LRMDA: variants seen among roughly 807,000 people sequenced by gnomAD.
The protein encoded by LRMDA is leucine rich melanocyte differentiation associated.
A neutral mutation model predicts 29.8 loss-of-function variants in LRMDA; 18 were observed. The observed-to-expected ratio is 0.60, with a 90% CI of 0.42 to 0.90. The LOEUF is 0.90. Ranked by LOEUF, LRMDA falls within the 40% of genes least tolerant of loss-of-function variation. LRMDA has a pLI of 0.00. For missense variants in LRMDA, 273 were observed against 273.9 expected, an observed-to-expected ratio of 1.00 and a Z score of 0.02; for synonymous variants, 125 against 109.4, an observed-to-expected ratio of 1.14 and a Z score of -0.89.
intron 6 of LRMDA, among the ~76,000 whole-genome samples, chr10:76,555,187 C>G (rs1042041214): frequency 1.6e-4 from 25 of 152,176 alleles, no homozygotes; most frequent in African/African-American, 5.5e-4. Flanking sequence ...GCCCACAGAC[C>G]AGCAGGATCC....
chr10:76,322,806 G>C (rs1840787770), intron 5 of LRMDA, among the ~76,000 whole-genome samples: 1 of 152,108 alleles, frequency 6.6e-6, no homozygotes, highest in African/African-American at 2.4e-5. Context: ...GAGGAAGTAT[G>C]ATAGATCTAG....
chr10:75,495,422 C>G (rs192996722), intron 2 of LRMDA, among the ~76,000 whole-genome samples: 1 of 152,098 alleles, frequency 6.6e-6, no homozygotes, highest in East Asian at 1.9e-4. Flanking sequence ...TGGAGGGGAC[C>G]ATTTTTTGAG....
At chr10:76,406,036 C>A (rs1355171595) in intron 6 of LRMDA, among the ~76,000 whole-genome samples, 1 of 152,240 alleles carries the variant, frequency 6.6e-6, no homozygotes, top group South Asian at 2.1e-4. Context: ...AACTGGCCAG[C>A]GAGGAAAACC....
intron 2 of LRMDA, among the ~76,000 whole-genome samples, chr10:75,605,176 C>T (rs898816187): frequency 1.3e-5 from 2 of 152,168 alleles, no homozygotes; most frequent in Non-Finnish European, 2.9e-5. Flanking sequence ...AGTCTCAAGA[C>T]TGGGAATATA....
At chr10:76,039,019 A>G (rs1848299141) in intron 3 of LRMDA, among the ~76,000 whole-genome samples, 1 of 152,134 alleles carries the variant, frequency 6.6e-6, no homozygotes, top group African/African-American at 2.4e-5. Flanking sequence ...TGGCTAAACT[A>G]CCTGTCTCTT....
At chr10:76,258,851 TTATC>T (rs1839898865) in intron 5 of LRMDA, among the ~76,000 whole-genome samples, 2 of 152,186 alleles carry the variant, frequency 1.3e-5, no homozygotes, top group South Asian at 4.1e-4. Flanking sequence ...CACATTTTCT[TTATC>T]TACTATTCCG....
At chr10:76,183,785 C>T (rs144026503) in intron 5 of LRMDA, among the ~76,000 whole-genome samples, 133 of 152,302 alleles carry the variant, frequency 8.7e-4, no homozygotes, top group African/African-American at 3.1e-3. Context: ...GTGGCCTGAT[C>T]ATAGCTGACT....
intron 2 of LRMDA, among the ~76,000 whole-genome samples, chr10:75,799,723 T>TG (rs1564570929): frequency 6.8e-6 from 1 of 147,756 alleles, no homozygotes; most frequent in Non-Finnish European, 1.5e-5. Context: ...TGTGTGTGTG[T>TG]TTAGTAGAGA....
chr10:75,815,951 G>T (rs1844051535), intron 2 of LRMDA, among the ~76,000 whole-genome samples: 1 of 152,204 alleles, frequency 6.6e-6, no homozygotes. Flanking sequence ...GCCCAAGATT[G>T]TATCTCTAGT....
At chr10:75,773,651 C>T (rs1436129942) in intron 2 of LRMDA, among the ~76,000 whole-genome samples, 2 of 152,206 alleles carry the variant, frequency 1.3e-5, no homozygotes, top group South Asian at 2.1e-4. Context: ...GCTCACACTT[C>T]GCCCAGTGAG....
Position 76,326,274 on chromosome 10 carries a change from A to C in LRMDA, c.601+1789A>C, listed in dbSNP as rs188765569. Among the ~76,000 whole-genome samples the C allele has an allele frequency of 1.1e-3, 174 of 152,354 alleles. 6 individuals are homozygous for C. The highest frequency in any genetic ancestry group is 0.011 in the Admixed American group (171 of 15,306). Reference sequence around the variant, plus strand: ...AGACTAATATATTTCAGCTTAGCATAAACCAATTTGGCTTGAACCAACTTG... The same window carrying C: ...AGACTAATATATTTCAGCTTAGCATCAACCAATTTGGCTTGAACCAACTTG... On this transcript the variant is annotated intron_variant, in intron 6 of 6. Transcript: ENST00000611255.
chr10:76,149,625 G>T (rs1301876751), intron 5 of LRMDA, among the ~76,000 whole-genome samples: 1 of 152,154 alleles, frequency 6.6e-6, no homozygotes, highest in East Asian at 1.9e-4. Flanking sequence ...AATTTTGGCA[G>T]GGGTCTCCGT....
At chr10:76,519,248 C>T (rs1220213198) in intron 6 of LRMDA, among the ~76,000 whole-genome samples, 1 of 151,872 alleles carries the variant, frequency 6.6e-6, no homozygotes, top group East Asian at 1.9e-4. Context: ...ATTAAAAATC[C>T]CTAGAGTTGA....
chr10:75,635,805 T>G (rs189914027), intron 2 of LRMDA, among the ~76,000 whole-genome samples: 1 of 151,348 alleles, frequency 6.6e-6, no homozygotes, highest in Admixed American at 6.6e-5. Context: ...TTTTTTTTTT[T>G]AAAACGATTG....
chr10:76,362,898 T>C (rs1315399459), intron 6 of LRMDA, among the ~76,000 whole-genome samples: 4 of 151,778 alleles, frequency 2.6e-5, no homozygotes, highest in Non-Finnish European at 5.9e-5. Context: ...CCTAATCTTA[T>C]TTTTCCTGAC....
intron 2 of LRMDA, among the ~76,000 whole-genome samples, chr10:75,659,084 C>G (rs758228232): frequency 2.0e-5 from 3 of 152,240 alleles, no homozygotes; most frequent in Non-Finnish European, 4.4e-5. Context: ...AGACCTGGCT[C>G]TTTGCTGAGG....
At chr10:75,812,192 A>G (rs1345276387) in intron 2 of LRMDA, among the ~76,000 whole-genome samples, 1 of 146,648 alleles carries the variant, frequency 6.8e-6, no homozygotes, top group Non-Finnish European at 1.5e-5. Context: ...GAATCAATAA[A>G]AACTCCTGCC....
intron 2 of LRMDA, among the ~76,000 whole-genome samples, chr10:75,787,732 A>G (rs1843496716): frequency 6.6e-6 from 1 of 152,252 alleles, no homozygotes; most frequent in Non-Finnish European, 1.5e-5. Context: ...AGTGTGTAAT[A>G]GAAAACCAAA....
intron 2 of LRMDA, among the ~76,000 whole-genome samples, chr10:75,925,197 AT>A (rs200683972): frequency 2.6e-5 from 4 of 151,508 alleles, no homozygotes; most frequent in Non-Finnish European, 4.4e-5. Context: ...CAATAATCTG[AT>A]TTTTTTTTGT....
Sources: gnomAD v4.1 joint callset for allele counts (sites outside exome capture counted in the v4.1 genomes callset) on GRCh38, gnomAD v4.1.1 for gene constraint, MANE v1.5 for transcripts, NCBI Gene and HGNC (gene_info 2026-07-23, HGNC 2026-07-21) for gene names.